Variants in SLIT3 observed in about 807,000 individuals in gnomAD.
SLIT3 encodes slit guidance ligand 3.
In SLIT3, 68 loss-of-function variants were observed where a neutral mutation model predicts 184.0. That is an observed-to-expected ratio of 0.37 (90% CI 0.30 to 0.45). The LOEUF (loss-of-function observed/expected upper bound fraction) is 0.45, where lower values mean the gene tolerates loss of function less well. Among genes scored for constraint, SLIT3 ranks in the 20% least tolerant of loss-of-function variants. The pLI is 1.00. For synonymous variants in SLIT3, 831 were observed against 828.6 expected (o/e 1.00, Z -0.05); for missense variants, 1,707 against 2,026.0 (o/e 0.84, Z 3.02).
chr5:169,225,326 A>G (rs1342913964), intron 3 of SLIT3, among the ~76,000 whole-genome samples: 1 of 152,216 alleles, frequency 6.6e-6, no homozygotes. Context: ...ACCCAGCAAA[A>G]TCTCTCTAAC....
Position 168,748,416 on chromosome 5 carries a change from C to CAGCT in SLIT3, c.2152_2155dup (p.Cys719Ter). 1 of 1,524,674 alleles carries CAGCT rather than the reference C, an allele frequency of 6.6e-7. No homozygotes were observed. The highest frequency in any genetic ancestry group is 8.7e-7 in the Non-Finnish European group (1 of 1,147,940). The allele number at this position is 1,524,674 out of a possible 1,614,324, so 94.4% of individuals were successfully genotyped here. A position where few individuals can be genotyped will look rare whatever the true frequency, so the allele number is the denominator to read the frequency against. On this transcript the variant is annotated stop_gained and frameshift_variant, in exon 20 of 36. Transcript: ENST00000519560. LOFTEE classifies it high-confidence loss of function. The stretch of plus-strand genomic sequence containing the variant: ...CTCCGGGCAGCGCGGGCTCAGCTGG[C>CAGCT]AGCTACTCTCCTCGTTGCCTGTGGA...
chr5:169,082,230 G>T (rs1432107221), intron 4 of SLIT3, among the ~76,000 whole-genome samples: 2 of 152,170 alleles, frequency 1.3e-5, no homozygotes, highest in African/African-American at 4.8e-5. Context: ...TCTATGCCAA[G>T]TCTAAAGCCT....
chr5:168,685,755 C>T lies in SLIT3; in HGVS notation c.3487G>A (p.Val1163Met), dbSNP rs748887345. The T allele has an allele frequency of 1.1e-5, 17 of 1,605,718 alleles. No individual in the cohort carries two copies. The highest frequency in any genetic ancestry group is 3.3e-4 in the Middle Eastern group (2 of 6,040). ...RCEKLITVNF[V>M]GKDSYVELAS... ...AGTTCCACGTAGGAGTCTTTGCCCACGAAGTTGACAGTGATGAGCTTCTCG... is the reference window on the plus strand; with the variant it reads ...AGTTCCACGTAGGAGTCTTTGCCCATGAAGTTGACAGTGATGAGCTTCTCG... Residue 1163 changes from valine (V) to methionine (M), a missense_variant, in exon 31 of 36, where the codon GTG (valine) becomes ATG (methionine). Physicochemically the swap from Val to Met is conservative, Grantham distance 21. Transcript: ENST00000519560.
At chr5:168,856,971 G>C (rs192705081) in intron 5 of SLIT3, among the ~76,000 whole-genome samples, 116 of 152,106 alleles carry the variant, frequency 7.6e-4, no homozygotes, top group African/African-American at 2.3e-3. Context: ...ACGGCTCCTG[G>C]GGAAGGGATG....
At chr5:168,817,490 G>C (rs1185494191) in intron 7 of SLIT3, 27 bp from the exon 8 acceptor site, 5 of 1,578,436 alleles carry the variant, frequency 3.2e-6, no homozygotes, top group Non-Finnish European at 4.3e-6. Context: ...CAGAGAGAAG[G>C]CATGGTCACA....
chr5:169,123,680 C>T (rs964576375), intron 4 of SLIT3, among the ~76,000 whole-genome samples: 2 of 152,114 alleles, frequency 1.3e-5, no homozygotes, highest in African/African-American at 4.8e-5. Context: ...AGGATTTCTT[C>T]TAAGAATTGA....
In SLIT3 at chr5:168,671,451, G is replaced by A. The variant is rs766926263; in HGVS notation, c.3874C>T (p.Arg1292Cys). The change falls in exon 34 of 36, where the codon CGC (arginine) becomes TGC (cysteine). Residue 1292 changes from arginine to cysteine, a missense_variant. Arg to Cys is a radical substitution (Grantham distance 180, BLOSUM62 -3). This residue lies in a region of SLIT3 where 387 missense variants were observed against 477.9 expected (regional missense o/e 0.81). Coordinates refer to ENST00000519560, the MANE Select transcript of SLIT3 (RefSeq NM_003062.4). Reference protein sequence around the residue: ...IPTSTGLSALRQGTDRPLGGF... With the variant: ...IPTSTGLSALCQGTDRPLGGF... ...CCTAGAGGCCGGTCCGTGCCCTGGC[G>A]CAAGGCAGAGAGGCCGGTGGAGGTG... 3.7e-6 allele frequency: 6 copies of A among 1,612,700 alleles called. No homozygotes were observed. The highest frequency in any genetic ancestry group is 1.3e-5 in the African/African-American group (1 of 74,922).
intron 5 of SLIT3, among the ~76,000 whole-genome samples, chr5:168,881,743 C>T (rs1239311215): frequency 2.0e-5 from 3 of 152,188 alleles, no homozygotes; most frequent in Admixed American, 2.0e-4. Flanking sequence ...TGAGAGATCT[C>T]TCATTATTTA....
chr5:169,268,234 T>C (rs1029543629), intron 1 of SLIT3, among the ~76,000 whole-genome samples: 2 of 152,134 alleles, frequency 1.3e-5, no homozygotes, highest in Non-Finnish European at 2.9e-5. Flanking sequence ...GAGGGGGGAA[T>C]GTGATGCAAC....
chr5:169,142,318 C>A (rs898696546), intron 4 of SLIT3, among the ~76,000 whole-genome samples: 5 of 151,988 alleles, frequency 3.3e-5, no homozygotes, highest in Non-Finnish European at 5.9e-5. Flanking sequence ...ACTAGTCACT[C>A]AAGGGTAAAA....
At position 168,673,298 on chromosome 5, in the gene SLIT3, A is replaced by G. The variant is rs1252990293; in HGVS notation, c.3720T>C (p.Ser1240=). 1.2e-6 allele frequency: 2 copies of G among 1,614,020 alleles called. No individual in the cohort carries two copies. The highest frequency in any genetic ancestry group is 1.1e-5 in the South Asian group (1 of 91,080). Residue 1240 remains serine, a synonymous_variant, in exon 33 of 36, where the codon AGT becomes AGC. Transcript: ENST00000519560. The part of the protein sequence containing the change: ...VETVNDGQFH[S]VELVTLNQTL... ...TCTGGTTTAGCGTCACCAGCTCCAC[A>G]CTGTGAAACTGCCCATCATTCACTG...
In SLIT3 at chr5:168,696,153, C is replaced by A. The variant is rs1396603076; in HGVS notation, c.3082+139G>T. 8.5e-6 allele frequency: 9 copies of A among 1,057,926 alleles called. No individual in the cohort carries two copies. The African/African-American group carries it at 9.4e-5, about 11-fold the overall frequency. The allele number at this position is 1,057,926 out of a possible 1,614,324, so 65.5% of individuals were successfully genotyped here. On this transcript the variant is annotated intron_variant, in intron 28 of 35. Transcript: ENST00000519560. ...GAAGCAAACAGGCCTTTGGGGAGCC[C>A]CTCTTGGCATATCACAGTCTTGGGG...
intron 4 of SLIT3, among the ~76,000 whole-genome samples, chr5:169,011,380 T>C (rs1388120217): frequency 1.3e-5 from 2 of 152,106 alleles, no homozygotes; most frequent in Non-Finnish European, 2.9e-5. Context: ...TAGGCAAAAT[T>C]GTAATAGGTC....
chr5:168,804,781 G>T (rs1581100485), intron 9 of SLIT3, among the ~76,000 whole-genome samples: 1 of 152,316 alleles, frequency 6.6e-6, no homozygotes, highest in East Asian at 1.9e-4. Flanking sequence ...CTCCACTGTG[G>T]TAAGTCGTAT....
chr5:169,275,188 C>A (rs2113638206), intron 1 of SLIT3, among the ~76,000 whole-genome samples: 1 of 152,292 alleles, frequency 6.6e-6, no homozygotes, highest in Non-Finnish European at 1.5e-5. Context: ...TGTGTAAGTA[C>A]TTCTCATGCA....
At chr5:169,198,360 T>C (rs1052387805) in intron 3 of SLIT3, among the ~76,000 whole-genome samples, 1 of 152,156 alleles carries the variant, frequency 6.6e-6, no homozygotes, top group African/African-American at 2.4e-5. Context: ...TAGAACTCTT[T>C]AGGAGACAGA....
chr5:168,969,605 G>C (rs1754494242), intron 4 of SLIT3, among the ~76,000 whole-genome samples: 1 of 152,174 alleles, frequency 6.6e-6, no homozygotes, highest in African/African-American at 2.4e-5. Flanking sequence ...AACCGGATGG[G>C]GCTGCTCCGC....
At chr5:168,887,410 C>T (rs916250359) in intron 4 of SLIT3, among the ~76,000 whole-genome samples, 1 of 152,134 alleles carries the variant, frequency 6.6e-6, no homozygotes. Context: ...TTTCTTGTTT[C>T]TGAAGTGGGT....
At chr5:169,135,686 C>A (rs887319924) in intron 4 of SLIT3, among the ~76,000 whole-genome samples, 1 of 152,114 alleles carries the variant, frequency 6.6e-6, no homozygotes, top group South Asian at 2.1e-4. Context: ...GTGGGATGCA[C>A]ACAAAAAACA....
Sources: allele counts gnomAD v4.1 joint callset (sites outside exome capture counted in the v4.1 genomes callset), GRCh38; gene constraint gnomAD v4.1.1; regional missense constraint gnomAD v4.1.1; transcripts MANE v1.5; gene names NCBI Gene and HGNC (gene_info 2026-07-23, HGNC 2026-07-21).